The following BRINP3 variants were observed in gnomAD, a reference collection of about 807,000 sequenced individuals.
BRINP3 encodes BMP/retinoic acid-inducible neural-specific protein 3.
Under a neutral mutation model 71.0 loss-of-function variants are expected in BRINP3, and 19 were observed. The ratio of observed to expected loss-of-function variants is 0.27; its 90% CI spans 0.19 to 0.39. The LOEUF (loss-of-function observed/expected upper bound fraction) is 0.39, where lower values mean the gene tolerates loss of function less well. BRINP3 is among the 10% of genes least tolerant of loss of function. The pLI is 1.00. For synonymous variants in BRINP3, 380 were observed against 337.7 expected, an observed-to-expected ratio of 1.13 and a Z score of -1.37; for missense variants, 959 against 940.8, an observed-to-expected ratio of 1.02 and a Z score of -0.25.
chr1:190,106,834 T>C (rs926519988), intron 7 of BRINP3, among the ~76,000 whole-genome samples: 5 of 151,860 alleles, frequency 3.3e-5, no homozygotes, highest in African/African-American at 1.2e-4. Context: ...CCCATTAGTT[T>C]AAAGACAAAT....
chr1:190,332,080 C>A (rs1268680741), intron 2 of BRINP3, among the ~76,000 whole-genome samples: 1 of 151,856 alleles, frequency 6.6e-6, no homozygotes, highest in African/African-American at 2.4e-5. Context: ...TTACATCAAC[C>A]CTATTTTAAG....
chr1:190,381,812 A>C (rs868440923), intron 2 of BRINP3, among the ~76,000 whole-genome samples: 1 of 152,098 alleles, frequency 6.6e-6, no homozygotes, highest in South Asian at 2.1e-4. Flanking sequence ...ATCAGTACTT[A>C]TTTCCAAGAC....
In BRINP3 at chr1:190,459,872, A is replaced by G. The variant is rs992946027; in HGVS notation, c.-50-4932T>C. On this transcript the variant is annotated intron_variant, in intron 1 of 7. Coordinates refer to ENST00000367462, the MANE Select transcript of BRINP3 (RefSeq NM_199051.3). ...AGACTGATACGGTAAACTCTTACATATCTGTCAGTTAGAGTCACCAGTTTT... is the reference window on the plus strand; with the variant it reads ...AGACTGATACGGTAAACTCTTACATGTCTGTCAGTTAGAGTCACCAGTTTT... Among the ~76,000 whole-genome samples the G allele has an allele frequency of 9.2e-5, 14 of 152,168 alleles. 1 individual carries two copies. The highest frequency in any genetic ancestry group is 2.6e-4 in the Admixed American group (4 of 15,276).
chr1:190,430,024 T>A (rs1310338050), intron 2 of BRINP3, among the ~76,000 whole-genome samples: 3 of 152,148 alleles, frequency 2.0e-5, no homozygotes, highest in African/African-American at 7.2e-5. Flanking sequence ...ATATTTTATA[T>A]CTATAGATAC....
At chr1:190,354,005 T>A (rs1045243969) in intron 2 of BRINP3, among the ~76,000 whole-genome samples, 2 of 151,902 alleles carry the variant, frequency 1.3e-5, no homozygotes, top group Non-Finnish European at 2.9e-5. Context: ...CACAACAAAG[T>A]CCAAATTTCT....
intron 7 of BRINP3, among the ~76,000 whole-genome samples, chr1:190,136,056 C>A (rs1654949014): frequency 6.6e-6 from 1 of 151,960 alleles, no homozygotes. Context: ...TAGCAAACGT[C>A]TTCTATTCAC....
At chr1:190,202,336 C>A (rs887081222) in intron 6 of BRINP3, among the ~76,000 whole-genome samples, 1 of 152,126 alleles carries the variant, frequency 6.6e-6, no homozygotes, top group Non-Finnish European at 1.5e-5. Flanking sequence ...AATATCTGTA[C>A]CCCCATTGTA....
At chr1:190,437,951 A>G (rs905329033) in intron 2 of BRINP3, among the ~76,000 whole-genome samples, 1 of 151,562 alleles carries the variant, frequency 6.6e-6, no homozygotes. Flanking sequence ...ATAATTACAA[A>G]AGTAATTCTA....
intron 2 of BRINP3, among the ~76,000 whole-genome samples, chr1:190,436,286 T>C (rs1008052440): frequency 1.3e-5 from 2 of 151,924 alleles, no homozygotes; most frequent in African/African-American, 4.8e-5. Context: ...ATATTTTTTG[T>C]TGTTGTTCTG....
Position 190,322,496 on chromosome 1 carries a change from C to T in BRINP3, c.237-40746G>A, listed in dbSNP as rs559895130. Among the ~76,000 whole-genome samples the T allele has an allele frequency of 3.9e-5, 6 of 152,058 alleles. No homozygotes were observed. In the East Asian group the frequency reaches 7.8e-4, roughly 20 times the overall value. ...GATTGCGTATACACATGATTGAGTA[C>T]ACAGACAGACCTGAAGAAAAAGTGC... is the stretch of plus-strand genomic sequence containing the variant. On this transcript the variant is annotated intron_variant, in intron 2 of 7. Transcript: ENST00000367462.
intron 4 of BRINP3, 89 bp from the exon 5 acceptor site, chr1:190,234,566 CG>C: frequency 1.1e-6 from 1 of 903,300 alleles, no homozygotes; most frequent in Non-Finnish European, 1.8e-6. Flanking sequence ...TAATATTATA[CG>C]TTTGACAGTA....
In BRINP3 at chr1:190,285,142, A is replaced by T. The variant is rs549972059; in HGVS notation, c.237-3392T>A. On this transcript the variant is annotated intron_variant, in intron 2 of 7. Transcript: ENST00000367462. ...TTTTTCTGGAAACTGAGATAAAACA[A>T]CAAAATAATCCTAAGAAGTGGTGAT... 6.6e-5 allele frequency among the ~76,000 whole-genome samples: 10 copies of T among 152,260 alleles called. No individual in the cohort carries two copies. In the South Asian group the frequency reaches 1.7e-3, roughly 25 times the overall value.
At chr1:190,436,360 A>G (rs1000518446) in intron 2 of BRINP3, among the ~76,000 whole-genome samples, 3 of 151,880 alleles carry the variant, frequency 2.0e-5, no homozygotes, top group Non-Finnish European at 4.4e-5. Flanking sequence ...GAACCAAACC[A>G]TAGGTGGACA....
chr1:190,232,357 G>A (rs1014411642), intron 5 of BRINP3, among the ~76,000 whole-genome samples: 3 of 151,996 alleles, frequency 2.0e-5, no homozygotes, highest in African/African-American at 7.3e-5. Flanking sequence ...AGGTAGATGA[G>A]GGGTAGTACA....
intron 2 of BRINP3, among the ~76,000 whole-genome samples, chr1:190,384,296 G>A (rs1412222094): frequency 6.6e-6 from 1 of 151,566 alleles, no homozygotes; most frequent in Admixed American, 6.6e-5. Context: ...ATAGGGTGAA[G>A]ATAATTTCAT....
intron 6 of BRINP3, among the ~76,000 whole-genome samples, chr1:190,177,642 T>C (rs1652664710): frequency 6.6e-6 from 1 of 152,204 alleles, no homozygotes; most frequent in Admixed American, 6.5e-5. Context: ...TACAATCCGA[T>C]ATTTACAATA....
At chr1:190,234,614 G>A (rs1658341594) in intron 4 of BRINP3, 137 bp from the exon 5 acceptor site, 3 of 539,578 alleles carry the variant, frequency 5.6e-6, no homozygotes, top group Non-Finnish European at 1.0e-5. Context: ...ATACACACCA[G>A]CAATACACCC....
At chr1:190,440,060 T>C (rs1236362225) in intron 2 of BRINP3, among the ~76,000 whole-genome samples, 1 of 151,956 alleles carries the variant, frequency 6.6e-6, no homozygotes, top group African/African-American at 2.4e-5. Flanking sequence ...CAATGTAGTA[T>C]AAAATGTATT....
At chr1:190,099,827 T>C (rs1432840480) in intron 7 of BRINP3, among the ~76,000 whole-genome samples, 1 of 152,192 alleles carries the variant, frequency 6.6e-6, no homozygotes. Flanking sequence ...AAGGGGTAAG[T>C]GTGTTAGTTT....
Sources: allele counts gnomAD v4.1 joint callset (sites outside exome capture counted in the v4.1 genomes callset), GRCh38; gene constraint gnomAD v4.1.1; transcripts MANE v1.5; gene names NCBI Gene and HGNC (gene_info 2026-07-23, HGNC 2026-07-21).